The following KRT71 variants were observed in gnomAD, a reference collection of about 807,000 sequenced individuals.
KRT71 encodes keratin 71, also known as keratin, type II cytoskeletal 71.
A neutral mutation model predicts 46.2 loss-of-function variants in KRT71; 42 were observed. That is an observed-to-expected ratio of 0.91 (90% CI 0.71 to 1.18). The LOEUF (loss-of-function observed/expected upper bound fraction) is 1.18. Among genes scored for constraint, KRT71 ranks in the 50% most tolerant of loss-of-function variants. KRT71 has a pLI of 0.00. For missense variants in KRT71, 708 were observed against 677.9 expected (o/e 1.04, Z -0.49); for synonymous variants, 292 against 277.8 (o/e 1.05, Z -0.51).
intron 6 of KRT71, among the ~76,000 whole-genome samples, 160 bp from the exon 7 acceptor site, chr12:52,546,666 T>C (rs1463059331): frequency 1.3e-5 from 2 of 152,192 alleles, no homozygotes; most frequent in Non-Finnish European, 2.9e-5. Flanking sequence ...GGCTGGCACC[T>C]CCCTCCTTAG....
In KRT71 at chr12:52,547,898, T is replaced by C; in HGVS notation, c.1063A>G (p.Ile355Val). Residue 355 changes from isoleucine (I) to valine (V), a missense_variant, in exon 6 of 9, where the codon ATC (isoleucine) becomes GTC (valine). Physicochemically the swap from Ile to Val is conservative, Grantham distance 29 (BLOSUM62 3). Coordinates refer to ENST00000267119, the MANE Select transcript of KRT71 (RefSeq NM_033448.3). ...KNEISELTRL[I>V]QRIRSEIENV... ...TCGATCTCTGAGCGGATTCTCTGGA[T>C]GAGCCGAGTGAGCTCCGAGATTTCA... 6.2e-7 allele frequency: 1 copy of C among 1,614,176 alleles called. No homozygotes were observed.
chr12:52,548,777 G>A lies in KRT71; in HGVS notation c.737C>T (p.Ala246Val). The stretch of plus-strand genomic sequence containing the variant: ...CTTGGCCTGCAGTTCCACCTTATTG[G>A]CGTAAGCAGCATCCACATCCTGAAA... ...LLKKDVDAAYANKVELQAKVE... is the reference protein window; with the variant it reads ...LLKKDVDAAYVNKVELQAKVE... Residue 246 changes from alanine (A) to valine (V), a missense_variant, in exon 4 of 9, where the codon GCC becomes GTC. Physicochemically the swap from Ala to Val is moderately conservative, Grantham distance 64. Coordinates refer to ENST00000267119, the MANE Select transcript of KRT71 (RefSeq NM_033448.3). The A allele has an allele frequency of 1.9e-6, 3 of 1,614,180 alleles. No individual in the cohort carries two copies. Among genetic ancestry groups the A allele is most frequent in the African/African-American group, 1.3e-5 (1 of 75,044 alleles).
Position 52,543,917 on chromosome 12 carries a change from T to C in KRT71, c.*615A>G, listed in dbSNP as rs1565599748. On this transcript the variant is annotated 3_prime_UTR_variant, in exon 9 of 9. Coordinates refer to ENST00000267119, the MANE Select transcript of KRT71 (RefSeq NM_033448.3). ...ACTCAGAGACCAAGCCATGAGATTG[T>C]GCTGTTTATTGAGGTTGCAACAGAG... 1 of 156,344 alleles carries C rather than the reference T, an allele frequency of 6.4e-6. No homozygotes were observed. The highest frequency in any genetic ancestry group is 1.4e-5 in the Non-Finnish European group (1 of 70,412). 9.7% of individuals were successfully genotyped at this position (156,344 alleles called of 1,614,324 possible). A position where few individuals can be genotyped will look rare whatever the true frequency, so the allele number is the denominator to read the frequency against.
At chr12:52,547,026 C>G (rs953764131) in intron 6 of KRT71, among the ~76,000 whole-genome samples, 4 of 152,210 alleles carry the variant, frequency 2.6e-5, no homozygotes, top group Non-Finnish European at 5.9e-5. Flanking sequence ...GCATTTAGTC[C>G]TTGCAACACC....
chr12:52,548,575 C>T lies in KRT71; in HGVS notation c.813+126G>A, dbSNP rs1025247523. 483 of 875,724 alleles carry T rather than the reference C, an allele frequency of 5.5e-4. 6 individuals carry two copies. The highest frequency in any genetic ancestry group is 1.2e-4 in the Non-Finnish European group (64 of 547,796). 54.2% of individuals were successfully genotyped at this position (875,724 alleles called of 1,614,324 possible). On this transcript the variant is annotated intron_variant, in intron 4 of 8. Coordinates refer to ENST00000267119, the MANE Select transcript of KRT71 (RefSeq NM_033448.3). ...ACCTAGGAGCCTCGCAAGTCTGATG[C>T]GGGAGATGGTTGGCTAACTGAGGGG...
rs1330633755 is a variant in KRT71 at position 52,550,175 on chromosome 12, C to A, written c.510G>T (p.Leu170=). The A allele has an allele frequency of 2.5e-6, 4 of 1,614,076 alleles. No homozygotes were observed. In the African/African-American group the frequency reaches 5.3e-5, roughly 22 times the overall value. Residue 170 remains leucine, a synonymous_variant, in exon 2 of 9, where the codon CTG becomes CTT. Coordinates refer to ENST00000267119, the MANE Select transcript of KRT71 (RefSeq NM_033448.3). ...TKWELLQQLD[L]NNCKNNLEPI... ...GCTCCAGGTTGTTCTTGCAGTTGTT[C>A]AGGTCCAGCTGCTGCAGCAGCTCCC...
At chr12:52,550,750 C>T (rs1939154909) in intron 1 of KRT71, among the ~76,000 whole-genome samples, 1 of 152,152 alleles carries the variant, frequency 6.6e-6, no homozygotes, top group Admixed American at 6.5e-5. Context: ...GGTCCTGCTC[C>T]CCAGAACCAT....
chr12:52,546,198 A>C, intron 7 of KRT71, 88 bp downstream of exon 7: 2 of 1,417,860 alleles, frequency 1.4e-6, no homozygotes, highest in Non-Finnish European at 1.9e-6. Context: ...CTAAGAACTC[A>C]TCTCTTCTGG....
In KRT71 at chr12:52,548,761, C is replaced by G. The variant is rs765650275; in HGVS notation, c.753G>C (p.Leu251=). ...VDAAYANKVE[L]QAKVESMDQE... is the part of the protein sequence containing the mutation. ...GGTCCATGGATTCCACCTTGGCCTG[C>G]AGTTCCACCTTATTGGCGTAAGCAG... Residue 251 remains leucine (L), a synonymous_variant, in exon 4 of 9, where the codon CTG becomes CTC. Transcript: ENST00000267119. The G allele has an allele frequency of 1.9e-6, 3 of 1,614,234 alleles. No homozygotes were observed. The African/African-American group carries it at 4.0e-5, about 22-fold the overall frequency.
intron 6 of KRT71, among the ~76,000 whole-genome samples, chr12:52,546,882 G>A (rs1332464756): frequency 6.6e-6 from 1 of 152,250 alleles, no homozygotes; most frequent in Non-Finnish European, 1.5e-5. Context: ...AAAGGCAGCA[G>A]CTGCCCAGGA....
intron 7 of KRT71, 107 bp from the exon 8 acceptor site, chr12:52,545,706 C>A: frequency 4.4e-6 from 3 of 680,340 alleles, no homozygotes; most frequent in Admixed American, 2.7e-5. Context: ...ACCCAACAGG[C>A]ACCTGTGGAA....
In KRT71 at chr12:52,544,460, TG is replaced by T. The variant is rs1388603407; in HGVS notation, c.*71del. 4 of 1,346,180 alleles carry T rather than the reference TG, an allele frequency of 3.0e-6. No individual in the cohort carries two copies. Among genetic ancestry groups the T allele is most frequent in the Non-Finnish European group, 3.2e-6 (3 of 941,530 alleles). 83.4% of individuals were successfully genotyped at this position (1,346,180 alleles called of 1,614,324 possible). On this transcript the variant is annotated 3_prime_UTR_variant, in exon 9 of 9. Transcript: ENST00000267119. ...AGCAGGGTGGAGATGGAGCTGAGAGTGGGCTGTGGGAAGTACAGTGTGGGAT... is the reference window on the plus strand; with the variant it reads ...AGCAGGGTGGAGATGGAGCTGAGAGTGGCTGTGGGAAGTACAGTGTGGGAT...
At chr12:52,545,493 C>CA in intron 8 of KRT71, 72 bp downstream of exon 8, 1 of 895,680 alleles carries the variant, frequency 1.1e-6, no homozygotes, top group South Asian at 1.5e-5. Flanking sequence ...CATCTGCACA[C>CA]AGAGGGTGTC....
rs534195412 is a variant in KRT71, at chr12:52,546,709, G to A, written c.1105-203C>T. Among the ~76,000 whole-genome samples, 484 of 152,370 alleles carry A rather than the reference G, an allele frequency of 3.2e-3. 3 individuals are homozygous for A. The highest frequency in any genetic ancestry group is 3.1e-3 in the South Asian group (15 of 4,832). On this transcript the variant is annotated intron_variant, in intron 6 of 8. Coordinates refer to ENST00000267119, the MANE Select transcript of KRT71 (RefSeq NM_033448.3). ...CCCATTCCCTGTGTTGGATGTGTGG[G>A]TGATGGAAATCATGCAGCCATGCCC...
rs1173031832 is a variant in KRT71 at position 52,547,986 on chromosome 12, G to A, written c.979-4C>T. The A allele has an allele frequency of 3.8e-6, 6 of 1,594,330 alleles. No homozygotes were observed. Among genetic ancestry groups the A allele is most frequent in the Non-Finnish European group, 5.1e-6 (6 of 1,167,926 alleles). On this transcript the variant is annotated splice_polypyrimidine_tract_variant and splice_region_variant and intron_variant, in intron 5 of 8. Coordinates refer to ENST00000267119, the MANE Select transcript of KRT71 (RefSeq NM_033448.3). The stretch of plus-strand genomic sequence containing the variant: ...CTGCCAGCTGAAGCTCTTGGAACTG[G>A]GGACCCCAAAGCACAGAGTCATGAG...
At chr12:52,551,284 A>G (rs770393997) in intron 1 of KRT71, among the ~76,000 whole-genome samples, 4 of 152,186 alleles carry the variant, frequency 2.6e-5, no homozygotes, top group Non-Finnish European at 4.4e-5. Context: ...CAAGCCTTTC[A>G]GCCTCCTTCC....
rs1352659137 is a variant in KRT71 at position 52,544,664 on chromosome 12, G to A, written c.1440C>T (p.Ser480=). The change falls in exon 9 of 9, where the codon AGC becomes AGT. Residue 480 remains serine, a synonymous_variant. Coordinates refer to ENST00000267119, the MANE Select transcript of KRT71 (RefSeq NM_033448.3). ...SMVSGGYVAN[S]SNCISGVCSV... Reference sequence around the variant, plus strand: ...TGCACACTCCAGAGATGCAGTTGCTGCTGTTGGCCACATAGCCACCGCTGA... The same window carrying A: ...TGCACACTCCAGAGATGCAGTTGCTACTGTTGGCCACATAGCCACCGCTGA... 1.2e-6 allele frequency: 2 copies of A among 1,613,878 alleles called. No individual in the cohort carries two copies. The highest frequency in any genetic ancestry group is 1.3e-5 in the African/African-American group (1 of 74,932).
At chr12:52,544,992 A>C (rs1346308338) in intron 8 of KRT71, among the ~76,000 whole-genome samples, 1 of 152,090 alleles carries the variant, frequency 6.6e-6, no homozygotes, top group Non-Finnish European at 1.5e-5. Flanking sequence ...TCCAGGTACC[A>C]ATACCCCTAC....
chr12:52,548,563 G>C lies in KRT71; in HGVS notation c.813+138C>G, dbSNP rs1272835013. ...CAGAGTGTGCAGACCTAGGAGCCTC[G>C]CAAGTCTGATGCGGGAGATGGTTGG... On this transcript the variant is annotated intron_variant, in intron 4 of 8. Transcript: ENST00000267119. 4.8e-6 allele frequency: 4 copies of C among 835,276 alleles called. No individual in the cohort carries two copies. In the East Asian group the frequency reaches 1.0e-4, roughly 21 times the overall value. The allele number at this position is 835,276 out of a possible 1,614,324, so 51.7% of individuals were successfully genotyped here.
Sources: gnomAD v4.1 joint callset for allele counts (sites outside exome capture counted in the v4.1 genomes callset) on GRCh38, gnomAD v4.1.1 for gene constraint, MANE v1.5 for transcripts, NCBI Gene and HGNC (gene_info 2026-07-23, HGNC 2026-07-21) for gene names.